Variants in EXOC6B observed in about 807,000 individuals in gnomAD.
EXOC6B encodes exocyst complex component 6B.
In EXOC6B, 54 loss-of-function variants were observed where a neutral mutation model predicts 113.5. That is an observed-to-expected ratio of 0.48 (90% CI 0.38 to 0.60). EXOC6B has a LOEUF of 0.60. Ranked by LOEUF, EXOC6B falls within the 20% of genes least tolerant of loss-of-function variation. The probability of loss-of-function intolerance (pLI) is 0.00; values close to 1 mark genes in which losing one functional copy is unlikely to be tolerated. For synonymous variants in EXOC6B, 357 were observed against 339.0 expected (o/e 1.05, Z -0.58); for missense variants, 797 against 977.5 (o/e 0.82, Z 2.46).
intron 18 of EXOC6B, among the ~76,000 whole-genome samples, chr2:72,420,950 C>T (rs1411470869): frequency 6.6e-6 from 1 of 152,192 alleles, no homozygotes; most frequent in Non-Finnish European, 1.5e-5. Flanking sequence ...GAGATGGTAT[C>T]TCATTGTGGT....
chr2:72,336,082 C>T (rs1033164928), intron 19 of EXOC6B, among the ~76,000 whole-genome samples: 1 of 152,076 alleles, frequency 6.6e-6, no homozygotes, highest in Non-Finnish European at 1.5e-5. Context: ...TTATTCAATT[C>T]TTTCTATGAA....
intron 6 of EXOC6B, among the ~76,000 whole-genome samples, chr2:72,659,658 C>A (rs1674861319): frequency 6.6e-6 from 1 of 151,984 alleles, no homozygotes; most frequent in Admixed American, 6.5e-5. Context: ...TAAGCTGGAA[C>A]CAGAACAAGA....
intron 18 of EXOC6B, among the ~76,000 whole-genome samples, chr2:72,432,043 T>C (rs879696621): frequency 1.3e-5 from 2 of 152,070 alleles, no homozygotes; most frequent in African/African-American, 4.8e-5. Context: ...TTTTCTTTTT[T>C]CTTTTTTTTT....
At chr2:72,802,614 G>T (rs1465794695) in intron 1 of EXOC6B, among the ~76,000 whole-genome samples, 1 of 151,966 alleles carries the variant, frequency 6.6e-6, no homozygotes, top group East Asian at 1.9e-4. Flanking sequence ...TTTTCTGTAT[G>T]GTTTAAATTG....
chr2:72,617,517 CTTTT>C (rs201912352), intron 6 of EXOC6B, among the ~76,000 whole-genome samples: 2 of 96,954 alleles, frequency 2.1e-5, no homozygotes, highest in African/African-American at 7.5e-5. Flanking sequence ...AATCTTTTTT[CTTTT>C]TTTTTTTTTT....
rs1670962728 is a variant in EXOC6B at position 72,609,764 on chromosome 2, AAAC to A, written c.670-34099_670-34097del. On this transcript the variant is annotated intron_variant, in intron 6 of 21. Coordinates refer to ENST00000272427, the MANE Select transcript of EXOC6B (RefSeq NM_015189.3). The stretch of plus-strand genomic sequence containing the variant: ...AAACTAGAGGTCCAAGAAGATCAAT[AAAC>A]AACAAGAAATATAAAAACTAATGCA... 1.3e-5 allele frequency among the ~76,000 whole-genome samples: 2 copies of A among 152,264 alleles called. 1 individual carries two copies. Among genetic ancestry groups the A allele is most frequent in the East Asian group, 3.9e-4 (2 of 5,190 alleles).
At chr2:72,748,459 C>T (rs1481661886) in intron 1 of EXOC6B, among the ~76,000 whole-genome samples, 1 of 151,998 alleles carries the variant, frequency 6.6e-6, no homozygotes, top group Non-Finnish European at 1.5e-5. Flanking sequence ...TAATTCCAAC[C>T]TTAGTATTGT....
At chr2:72,510,772 G>A (rs555325403) in intron 11 of EXOC6B, among the ~76,000 whole-genome samples, 2 of 151,582 alleles carry the variant, frequency 1.3e-5, no homozygotes, top group East Asian at 3.9e-4. Context: ...TTATATGTTA[G>A]AACATACAAC....
intron 20 of EXOC6B, among the ~76,000 whole-genome samples, chr2:72,309,035 A>C (rs1285845618): frequency 6.6e-6 from 1 of 152,124 alleles, no homozygotes; most frequent in Non-Finnish European, 1.5e-5. Context: ...AACCTTAAAA[A>C]ATAAGTCATC....
At chr2:72,406,766 G>C (rs1469062797) in intron 18 of EXOC6B, among the ~76,000 whole-genome samples, 3 of 151,934 alleles carry the variant, frequency 2.0e-5, no homozygotes, top group African/African-American at 7.3e-5. Context: ...GATCTAAAAT[G>C]GACACCCTAA....
chr2:72,425,709 G>C (rs750982390), intron 18 of EXOC6B, among the ~76,000 whole-genome samples: 1 of 152,046 alleles, frequency 6.6e-6, no homozygotes, highest in Non-Finnish European at 1.5e-5. Context: ...TGTTTAACAT[G>C]TTAATCACCA....
At chr2:72,322,361 A>G (rs182991688) in intron 20 of EXOC6B, among the ~76,000 whole-genome samples, 23 of 152,302 alleles carry the variant, frequency 1.5e-4, no homozygotes, top group Admixed American at 1.3e-3. Flanking sequence ...TTTACATATA[A>G]TTCTAGAAAA....
At chr2:72,799,262 C>A (rs113046781) in intron 1 of EXOC6B, among the ~76,000 whole-genome samples, 1,620 of 101,456 alleles carry the variant, frequency 0.016, 63 homozygotes, top group African/African-American at 0.058. Flanking sequence ...AAAAAAAAAA[C>A]AAACATAAAA....
chr2:72,532,474 T>G (rs2105759564), intron 8 of EXOC6B, among the ~76,000 whole-genome samples: 1 of 152,140 alleles, frequency 6.6e-6, no homozygotes, highest in East Asian at 1.9e-4. Context: ...TTTAATTCAA[T>G]TTAATAATTT....
intron 20 of EXOC6B, among the ~76,000 whole-genome samples, chr2:72,257,326 A>T (rs985062770): frequency 6.6e-6 from 1 of 151,926 alleles, no homozygotes; most frequent in Non-Finnish European, 1.5e-5. Flanking sequence ...AACAACAACA[A>T]CTCATGCTTA....
chr2:72,579,252 T>A (rs1224891539), intron 6 of EXOC6B, among the ~76,000 whole-genome samples: 5 of 152,026 alleles, frequency 3.3e-5, no homozygotes, highest in Admixed American at 2.0e-4. Context: ...ATAGGAACCA[T>A]GAAAATAGTA....
At chr2:72,190,204 T>A (rs1055431363) in intron 20 of EXOC6B, among the ~76,000 whole-genome samples, 4 of 151,980 alleles carry the variant, frequency 2.6e-5, no homozygotes, top group Non-Finnish European at 5.9e-5. Flanking sequence ...GGTTAACTTT[T>A]AAATTTTTAT....
At position 72,825,709 on chromosome 2, in the gene EXOC6B, C is replaced by T; in HGVS notation, c.113+89G>A. Reference sequence around the variant, plus strand: ...CCGAAGGGAGGGGCCGGCGCCGGACCTGGGGACAGCCGGCCGGAGGCCCGA... The same window carrying T: ...CCGAAGGGAGGGGCCGGCGCCGGACTTGGGGACAGCCGGCCGGAGGCCCGA... On this transcript the variant is annotated intron_variant, in intron 1 of 21. Coordinates refer to ENST00000272427, the MANE Select transcript of EXOC6B (RefSeq NM_015189.3). This position sits in a 1 kb window ranked among gnomAD's most constrained non-coding sequence, Gnocchi z 4.4. The T allele has an allele frequency of 5.7e-6, 8 of 1,402,784 alleles. No individual in the cohort carries two copies. The highest frequency in any genetic ancestry group is 7.5e-6 in the Non-Finnish European group (8 of 1,068,552). 86.9% of individuals were successfully genotyped at this position (1,402,784 alleles called of 1,614,324 possible).
At chr2:72,601,421 G>A (rs909189895) in intron 6 of EXOC6B, among the ~76,000 whole-genome samples, 1 of 152,118 alleles carries the variant, frequency 6.6e-6, no homozygotes, top group African/African-American at 2.4e-5. Flanking sequence ...TCCTGACCTC[G>A]TGATCCACCT....
Sources: allele counts gnomAD v4.1 joint callset (sites outside exome capture counted in the v4.1 genomes callset), GRCh38; gene constraint gnomAD v4.1.1; non-coding constraint Gnocchi (gnomAD v3.1); transcripts MANE v1.5; gene names NCBI Gene and HGNC (gene_info 2026-07-23, HGNC 2026-07-21).